The following SMC2 variants were observed in gnomAD, a reference collection of about 807,000 sequenced individuals.
The protein encoded by SMC2 is structural maintenance of chromosomes 2.
In SMC2, 41 loss-of-function variants were observed where a neutral mutation model predicts 142.6. The observed-to-expected ratio is 0.29, with a 90% confidence interval of 0.22 to 0.37. SMC2 has a LOEUF of 0.37. Among genes scored for constraint, SMC2 ranks in the 10% least tolerant of loss-of-function variants. The pLI is 1.00. For synonymous variants in SMC2, 463 were observed against 457.5 expected (o/e 1.01, Z -0.15); for missense variants, 1,265 against 1,373.7 (o/e 0.92, Z 1.25).
At chr9:104,097,308 A>C (rs900013090) in intron 3 of SMC2, among the ~76,000 whole-genome samples, 1 of 151,094 alleles carries the variant, frequency 6.6e-6, no homozygotes, top group East Asian at 1.9e-4. Flanking sequence ...GGATTTCGCT[A>C]TGTTGGCCAG....
At chr9:104,091,420 A>G (rs1424496519), upstream of SMC2, among the ~76,000 whole-genome samples, 1 of 152,216 alleles carries the variant, frequency 6.6e-6, no homozygotes, top group Non-Finnish European at 1.5e-5. Context: ...TATAATCTTA[A>G]GGGACCACAG....
intron 7 of SMC2, among the ~76,000 whole-genome samples, chr9:104,100,666 C>T (rs1169375436): frequency 1.3e-5 from 2 of 151,920 alleles, no homozygotes; most frequent in Non-Finnish European, 1.5e-5. Flanking sequence ...AATGGTATGC[C>T]GAATTTTAAT....
chr9:104,095,792 T>A (rs1830387855), intron 2 of SMC2, among the ~76,000 whole-genome samples: 1 of 152,226 alleles, frequency 6.6e-6, no homozygotes, highest in African/African-American at 2.4e-5. Context: ...GCAGTCTCAT[T>A]CCAGAGTATT....
intron 20 of SMC2, 24 bp downstream of exon 20, chr9:104,127,504 A>G (rs1300880805): frequency 2.0e-6 from 3 of 1,468,418 alleles, no homozygotes; most frequent in East Asian, 2.3e-5. Flanking sequence ...TGCATTTTTT[A>G]TACTAAATCA....
chr9:104,114,879 G>A, intron 13 of SMC2, 50 bp downstream of exon 13: 1 of 1,461,784 alleles, frequency 6.8e-7, no homozygotes, highest in Non-Finnish European at 9.4e-7. Context: ...AGCTTGAAAA[G>A]TCATGTGCTG....
chr9:104,116,146 T>C (rs1833084660), intron 13 of SMC2, 54 bp from the exon 14 acceptor site: 1 of 1,518,326 alleles, frequency 6.6e-7, no homozygotes, highest in Non-Finnish European at 8.9e-7. Flanking sequence ...TTGCATTCTC[T>C]CAATTTTCTG....
chr9:104,126,677 AAG>A lies in SMC2; in HGVS notation c.2495_2496del (p.Glu832AlafsTer9), dbSNP rs1564107789. The A allele has an allele frequency of 6.2e-7, 1 of 1,611,906 alleles. No individual in the cohort carries two copies. Among genetic ancestry groups the A allele is most frequent in the Non-Finnish European group, 8.5e-7 (1 of 1,179,252 alleles). On this transcript the variant is annotated frameshift_variant, in exon 19 of 25. Coordinates refer to ENST00000374793, the MANE Select transcript of SMC2 (RefSeq NM_006444.3). LOFTEE classifies it high-confidence loss of function. ...TATCACTCTGGAACTGGAAGAGCTC[AAG>A]AGAGAGCATACATCTTACAAACAAC... Reference protein sequence around the residue: ...EAITLELEELKREHTSYKQQL... With the variant: ...EAITLELEELXREHTSYKQQL...
chr9:104,095,940 G>T (rs1488295742), intron 2 of SMC2, among the ~76,000 whole-genome samples: 1 of 152,164 alleles, frequency 6.6e-6, no homozygotes, highest in Non-Finnish European at 1.5e-5. Flanking sequence ...TTCAATTCAG[G>T]GTTGAAAAGG....
At chr9:104,139,066 T>C in intron 24 of SMC2, 73 bp from the exon 25 acceptor site, 6 of 898,598 alleles carry the variant, frequency 6.7e-6, no homozygotes, top group Non-Finnish European at 9.6e-6. Context: ...ACCATTCTTA[T>C]CACCAGTATA....
chr9:104,100,368 T>G, intron 6 of SMC2, 21 bp from the exon 7 acceptor site: 1 of 1,513,978 alleles, frequency 6.6e-7, no homozygotes, highest in Non-Finnish European at 9.1e-7. Flanking sequence ...GCGAAAATAC[T>G]GATTTTTCTT....
chr9:104,113,605 G>C (rs776040658), intron 11 of SMC2, 130 bp downstream of exon 11: 4 of 695,212 alleles, frequency 5.8e-6, no homozygotes, highest in Non-Finnish European at 8.9e-6. Flanking sequence ...AGTATAAGAA[G>C]TGTTGTAAAT....
rs751684382 is a variant in SMC2, at chr9:104,096,268, G to A, written c.289G>A (p.Val97Ile). The A allele has an allele frequency of 6.2e-7, 1 of 1,614,152 alleles. No individual in the cohort carries two copies. The highest frequency in any genetic ancestry group is 8.5e-7 in the Non-Finnish European group (1 of 1,179,970). Residue 97 changes from valine to isoleucine, a missense_variant, in exon 3 of 25, where the codon GTT becomes ATT. Coordinates refer to ENST00000374793, the MANE Select transcript of SMC2 (RefSeq NM_006444.3). ...AAAGCAAAGTCCTTTAGGATTTGAG[G>A]TTCATGATGAAATCACAGTAACAAG... Reference protein sequence around the residue: ...DKKQSPLGFEVHDEITVTRQV... With the variant: ...DKKQSPLGFEIHDEITVTRQV...
At position 104,120,050 on chromosome 9, in the gene SMC2, A is replaced by G. The variant is rs1833551216; in HGVS notation, c.2020A>G (p.Ile674Val). The G allele has an allele frequency of 6.2e-7, 1 of 1,613,944 alleles. No homozygotes were observed. The highest frequency in any genetic ancestry group is 8.5e-7 in the Non-Finnish European group (1 of 1,179,946). ...AGGTGCTCGATCCCAGGCAGCTTCC[A>G]TTTTAACCAAGTTTCAAGAACTCAA... Reference protein sequence around the residue: ...SGGARSQAASILTKFQELKDV... With the variant: ...SGGARSQAASVLTKFQELKDV... Residue 674 changes from isoleucine to valine, a missense_variant, in exon 16 of 25, where the codon ATT becomes GTT. Transcript: ENST00000374793.
upstream of SMC2, among the ~76,000 whole-genome samples, chr9:104,093,557 A>G (rs779710826): frequency 6.6e-6 from 1 of 151,944 alleles, no homozygotes; most frequent in Non-Finnish European, 1.5e-5. Flanking sequence ...ACTCAATAAC[A>G]TGAACTGTCT....
Position 104,094,346 on chromosome 9 carries a change from G to C in SMC2, c.-193G>C. The C allele has an allele frequency of 2.5e-6, 1 of 398,824 alleles. No individual in the cohort carries two copies. The allele number at this position is 398,824 out of a possible 1,614,324, so 24.7% of individuals were successfully genotyped here. On this transcript the variant is annotated 5_prime_UTR_variant, in exon 1 of 25. Transcript: ENST00000374793. ...AGTTCCGGCGCGGGTGTTGAGAGCG[G>C]TGTGGCAGGTGTTGTAGCCGCTATG... is the stretch of plus-strand genomic sequence containing the variant.
In SMC2 at chr9:104,114,694, T is replaced by C. The variant is rs1832885451; in HGVS notation, c.1536T>C (p.Asp512=). The C allele has an allele frequency of 6.2e-7, 1 of 1,609,974 alleles. No homozygotes were observed. The highest frequency in any genetic ancestry group is 8.5e-7 in the Non-Finnish European group (1 of 1,178,192). ...RFPNLRFAYK[D]PEKNWNRNCV... ...TTTGTCAACTTTTGTATTTCAGGGA[T>C]CCAGAGAAGAACTGGAATAGAAATT... The change falls in exon 13 of 25, where the codon GAT becomes GAC. Residue 512 remains aspartate, a synonymous_variant. Transcript: ENST00000374793.
At chr9:104,115,468 T>C (rs1832984751) in intron 13 of SMC2, among the ~76,000 whole-genome samples, 1 of 151,860 alleles carries the variant, frequency 6.6e-6, no homozygotes, top group African/African-American at 2.4e-5. Context: ...CTAGCGACTC[T>C]GGAGGCTGAG....
chr9:104,139,237 T>G lies in SMC2; in HGVS notation c.3516T>G (p.Thr1172=). ...GTGTTTCTACAGTAGCCAGATTTACTCAATGTCAAAATGGAAAGATTTCAA... is the reference window on the plus strand; with the variant it reads ...GTGTTTCTACAGTAGCCAGATTTACGCAATGTCAAAATGGAAAGATTTCAA... The part of the protein sequence containing the change: ...VDGVSTVARF[T]QCQNGKISKE... Residue 1172 remains threonine (T), a synonymous_variant, in exon 25 of 25, where the codon ACT becomes ACG. Coordinates refer to ENST00000374793, the MANE Select transcript of SMC2 (RefSeq NM_006444.3). The G allele has an allele frequency of 6.2e-7, 1 of 1,601,892 alleles. No individual in the cohort carries two copies. The highest frequency in any genetic ancestry group is 8.5e-7 in the Non-Finnish European group (1 of 1,175,802).
intron 12 of SMC2, 126 bp downstream of exon 12, chr9:104,114,207 C>A: frequency 1.9e-6 from 1 of 538,944 alleles, no homozygotes; most frequent in Non-Finnish European, 3.3e-6. Context: ...AGCTGCTTTT[C>A]TTTCATTGGT....
Sources: allele counts gnomAD v4.1 joint callset (sites outside exome capture counted in the v4.1 genomes callset), GRCh38; gene constraint gnomAD v4.1.1; transcripts MANE v1.5; gene names NCBI Gene and HGNC (gene_info 2026-07-23, HGNC 2026-07-21).